The following ALG12 variants were observed in gnomAD, a reference collection of about 807,000 sequenced individuals.
ALG12 encodes the protein dol-P-Man:Man(7)GlcNAc(2)-PP-Dol alpha-1,6-mannosyltransferase.
ALG12 carries 36 observed loss-of-function variants against 46.0 expected under a neutral mutation model. That is an observed-to-expected ratio of 0.78 (90% CI 0.60 to 1.03). The LOEUF is 1.03. Among genes scored for constraint, ALG12 ranks in the 50% least tolerant of loss-of-function variants. The probability of loss-of-function intolerance (pLI) is 0.00; values close to 1 mark genes in which losing one functional copy is unlikely to be tolerated. For missense variants in ALG12, 599 were observed against 633.5 expected, an observed-to-expected ratio of 0.95 and a Z score of 0.58; for synonymous variants, 326 against 291.6, an observed-to-expected ratio of 1.12 and a Z score of -1.20.
chr22:49,874,875 G>A, the ALG12 span, among the ~76,000 whole-genome samples: 1 of 151,594 alleles, frequency 6.6e-6, no homozygotes, highest in East Asian at 1.9e-4. Flanking sequence ...TAGAGACGGG[G>A]TTTCACCATG....
At chr22:49,862,693 C>CTTT in the ALG12 span, among the ~76,000 whole-genome samples, 812 of 59,020 alleles carry the variant, frequency 0.014, 90 homozygotes, top group African/African-American at 0.044. Context: ...TAAGTTTTTC[C>CTTT]TTTTTTTTTT....
the ALG12 span, among the ~76,000 whole-genome samples, chr22:49,878,945 C>T: frequency 6.6e-6 from 1 of 151,734 alleles, no homozygotes; most frequent in Non-Finnish European, 1.5e-5. Flanking sequence ...GAGATAGAGA[C>T]CATCGTGGCC....
At chr22:49,882,740 GC>G in the ALG12 span, among the ~76,000 whole-genome samples, 3 of 152,130 alleles carry the variant, frequency 2.0e-5, no homozygotes, top group South Asian at 6.2e-4. Context: ...CTGCATTCCA[GC>G]ACGGCGCAGC....
chr22:49,898,684 C>G (rs930438564), downstream of ALG12, among the ~76,000 whole-genome samples: 1 of 152,176 alleles, frequency 6.6e-6, no homozygotes, highest in Non-Finnish European at 1.5e-5. Flanking sequence ...GCCACCACAC[C>G]CGGCCAAGTG....
intron 6 of ALG12, among the ~76,000 whole-genome samples, chr22:49,908,344 A>G (rs1194346591): frequency 7.7e-6 from 1 of 129,244 alleles, no homozygotes; most frequent in Non-Finnish European, 1.8e-5. Context: ...CCTGGCCAAC[A>G]TGGTGAAACC....
chr22:49,911,950 C>G lies in ALG12; in HGVS notation c.296-1343G>C, dbSNP rs548155369. The stretch of plus-strand genomic sequence containing the variant: ...CCAACAATCTCAACCCCGTGCCCAA[C>G]AAGGGTAGCCTCGGCCTCACGATCA... On this transcript the variant is annotated intron_variant, in intron 3 of 9. Coordinates refer to ENST00000330817, the MANE Select transcript of ALG12 (RefSeq NM_024105.4). 1.1e-4 allele frequency among the ~76,000 whole-genome samples: 16 copies of G among 152,344 alleles called. No individual in the cohort carries two copies. In the East Asian group the frequency reaches 2.9e-3, roughly 28 times the overall value.
chr22:49,879,101 C>T, the ALG12 span, among the ~76,000 whole-genome samples: 19 of 149,452 alleles, frequency 1.3e-4, no homozygotes, highest in African/African-American at 4.4e-4. Context: ...GCCGAGATCG[C>T]GCCACTGCAC....
At chr22:49,860,229 G>A in the ALG12 span, among the ~76,000 whole-genome samples, 2 of 152,244 alleles carry the variant, frequency 1.3e-5, no homozygotes, top group Non-Finnish European at 2.9e-5. Flanking sequence ...AGCCTGGGAG[G>A]TTGAGGCTGT....
In ALG12 at chr22:49,904,033, T is replaced by C. The variant is rs368420135; in HGVS notation, c.1272A>G (p.Thr424=). ...GGATGTGTGTGTATGCCAGCATGCC[T>C]GTCCCCGGCTGCACATCCTCCCTCT... The part of the protein sequence containing the change: ...YDKREDVQPG[T]GMLAYTHILM... The change falls in exon 10 of 10, where the codon ACA becomes ACG. Residue 424 remains threonine (T), a synonymous_variant. Coordinates refer to ENST00000330817, the MANE Select transcript of ALG12 (RefSeq NM_024105.4). The C allele has an allele frequency of 3.1e-5, 50 of 1,614,070 alleles. No individual in the cohort carries two copies. Among genetic ancestry groups the C allele is most frequent in the Non-Finnish European group, 3.8e-5 (45 of 1,180,014 alleles).
At chr22:49,867,888 G>A in the ALG12 span, among the ~76,000 whole-genome samples, 1 of 152,176 alleles carries the variant, frequency 6.6e-6, no homozygotes, top group African/African-American at 2.4e-5. Flanking sequence ...ACACTTACAT[G>A]AGCCCACAGT....
the ALG12 span, among the ~76,000 whole-genome samples, chr22:49,892,849 A>T: frequency 6.6e-6 from 1 of 152,256 alleles, no homozygotes; most frequent in African/African-American, 2.4e-5. Flanking sequence ...AAAAATTATG[A>T]GACACACTGA....
chr22:49,913,315 G>T (rs140269988), intron 3 of ALG12, 70 bp downstream of exon 3: 4 of 1,603,698 alleles, frequency 2.5e-6, no homozygotes, highest in Non-Finnish European at 3.4e-6. Flanking sequence ...GAGGGACCGC[G>T]GCCTCGCTGA....
rs1658163944 is a variant in ALG12, at chr22:49,904,012, G to A, written c.1293C>T (p.His431=). ...QPGTGMLAYT[H]ILMEAAPGLL... ...GCCCAGGGGCCGCCTCCATGAGGAT[G>A]TGTGTGTATGCCAGCATGCCTGTCC... The change falls in exon 10 of 10, where the codon CAC becomes CAT. Residue 431 remains histidine, a synonymous_variant. Coordinates refer to ENST00000330817, the MANE Select transcript of ALG12 (RefSeq NM_024105.4). The A allele has an allele frequency of 6.2e-7, 1 of 1,614,188 alleles. No homozygotes were observed. The highest frequency in any genetic ancestry group is 1.7e-5 in the Admixed American group (1 of 60,034).
the ALG12 span, among the ~76,000 whole-genome samples, chr22:49,875,660 AC>A: frequency 6.6e-6 from 1 of 152,008 alleles, no homozygotes; most frequent in Admixed American, 6.6e-5. Context: ...ACCTCAAGTG[AC>A]CTACCTGTCT....
At chr22:49,861,105 C>T in the ALG12 span, among the ~76,000 whole-genome samples, 2 of 152,158 alleles carry the variant, frequency 1.3e-5, no homozygotes, top group African/African-American at 4.8e-5. Context: ...CTGCTACGTC[C>T]TGTAAAAGTA....
Position 49,910,484 on chromosome 22 carries a change from A to G in ALG12, c.419T>C (p.Leu140Pro), listed in dbSNP as rs374961286. ...FCWVTAMQFH[L>P]MFYCTRTLPN... Reference sequence around the variant, plus strand: ...CAGTGTCCGCGTGCAGTAGAACATCAGGTGGAACTGCATGGCCGTCACCCA... The same window carrying G: ...CAGTGTCCGCGTGCAGTAGAACATCGGGTGGAACTGCATGGCCGTCACCCA... The change falls in exon 4 of 10, where the codon CTG (leucine) becomes CCG (proline). Residue 140 changes from leucine to proline, a missense_variant. Coordinates refer to ENST00000330817, the MANE Select transcript of ALG12 (RefSeq NM_024105.4). 3.1e-6 allele frequency: 5 copies of G among 1,613,918 alleles called. No homozygotes were observed. In the South Asian group the frequency reaches 4.4e-5, roughly 14 times the overall value.
At chr22:49,885,981 G>A in the ALG12 span, 12 of 700,480 alleles carry the variant, frequency 1.7e-5, no homozygotes, top group East Asian at 7.4e-5. Flanking sequence ...TGGACGTGTC[G>A]CAGGTGGACT....
In ALG12 at chr22:49,909,306, T is replaced by A; in HGVS notation, c.706A>T (p.Thr236Ser). The change falls in exon 6 of 10, where the codon ACT (threonine) becomes TCT (serine). Residue 236 changes from threonine to serine, a missense_variant. Transcript: ENST00000330817. ...CAAAGCACCTTTCCTTCCGGCCAAG[T>A]GAGCTGCCGCCAAAAATAAGAGTCC... ...AVDSYFWRQLTWPEGKVLWYN... is the reference protein window; with the variant it reads ...AVDSYFWRQLSWPEGKVLWYN... 1 of 1,614,220 alleles carries A rather than the reference T, an allele frequency of 6.2e-7. No individual in the cohort carries two copies. The highest frequency in any genetic ancestry group is 8.5e-7 in the Non-Finnish European group (1 of 1,180,040).
In ALG12 at chr22:49,906,271, C is replaced by T. The variant is rs11704238; in HGVS notation, c.992+1450G>A. Among the ~76,000 whole-genome samples, 15,522 of 152,200 alleles carry T rather than the reference C, an allele frequency of 0.1. 841 individuals are homozygous for T. The highest frequency in any genetic ancestry group is 0.19 in the South Asian group (920 of 4,826). On this transcript the variant is annotated intron_variant, in intron 7 of 9. Transcript: ENST00000330817. The surrounding 1 kb of genome is among the most constrained non-coding windows in gnomAD (Gnocchi z 4.4). ...GTCACCGAATACAATCCATCCGCGC[C>T]GCTCTCCCCGTCTTTCCTACCCTCT...
Sources: gnomAD v4.1 joint callset for allele counts (sites outside exome capture counted in the v4.1 genomes callset) on GRCh38, gnomAD v4.1.1 for gene constraint, Gnocchi (gnomAD v3.1) non-coding constraint, MANE v1.5 for transcripts, NCBI Gene and HGNC (gene_info 2026-07-23, HGNC 2026-07-21) for gene names.